Variants in DOCK10 observed in about 807,000 individuals in gnomAD.
DOCK10 encodes dedicator of cytokinesis protein 10.
In DOCK10, 145 loss-of-function variants were observed where a neutral mutation model predicts 280.1. The ratio of observed to expected loss-of-function variants is 0.52; its 90% CI spans 0.45 to 0.59. The LOEUF (loss-of-function observed/expected upper bound fraction) is 0.59, where lower values mean the gene tolerates loss of function less well. Ranked by LOEUF, DOCK10 falls within the 20% of genes least tolerant of loss-of-function variation. The pLI is 0.00. For missense variants in DOCK10, 2,368 were observed against 2,651.7 expected (o/e 0.89, Z 2.35); for synonymous variants, 915 against 942.2 (o/e 0.97, Z 0.53).
chr2:224,905,234 ATTTTTTTTT>A (rs201582173), intron 3 of DOCK10, among the ~76,000 whole-genome samples: 4 of 111,546 alleles, frequency 3.6e-5, no homozygotes, highest in African/African-American at 7.9e-5. Context: ...CTATGGAACT[ATTTTTTTTT>A]TTTTTTTTTT....
chr2:224,888,868 ATG>A (rs1013605922), intron 4 of DOCK10, among the ~76,000 whole-genome samples: 1 of 152,024 alleles, frequency 6.6e-6, no homozygotes, highest in Non-Finnish European at 1.5e-5. Flanking sequence ...GTGACTACAT[ATG>A]TGTGTATGTA....
intron 3 of DOCK10, among the ~76,000 whole-genome samples, chr2:224,900,749 G>A (rs773846939): frequency 6.6e-6 from 1 of 152,200 alleles, no homozygotes; most frequent in Non-Finnish European, 1.5e-5. Context: ...GCCTAGCATA[G>A]TGTAAGCCCT....
chr2:224,874,632 A>T, intron 9 of DOCK10, 34 bp downstream of exon 9: 1 of 1,568,746 alleles, frequency 6.4e-7, no homozygotes, highest in Non-Finnish European at 8.8e-7. Flanking sequence ...AATAATTCAA[A>T]TTGGTTTTGC....
chr2:224,865,855 TCA>T lies in DOCK10; in HGVS notation c.1258-770_1258-769del, dbSNP rs375471540. On this transcript the variant is annotated intron_variant, in intron 11 of 55. Transcript: ENST00000258390. Reference sequence around the variant, plus strand: ...CTGTTTCTCTCTCTCTCTCTCTCTCTCACACACACACACACACTCTCTCTCTC... The same window carrying T: ...CTGTTTCTCTCTCTCTCTCTCTCTCTCACACACACACACACTCTCTCTCTC... 2.3e-3 allele frequency among the ~76,000 whole-genome samples: 339 copies of T among 148,542 alleles called. 2 individuals are homozygous for T. The highest frequency in any genetic ancestry group is 7.7e-3 in the African/African-American group (306 of 39,944).
intron 30 of DOCK10, 148 bp from the exon 31 acceptor site, chr2:224,814,512 T>G (rs573730736): frequency 2.3e-6 from 1 of 444,040 alleles, no homozygotes; most frequent in African/African-American, 2.0e-5. Flanking sequence ...AAGGAGAATG[T>G]CTTAGGTTAT....
intron 31 of DOCK10, among the ~76,000 whole-genome samples, chr2:224,813,206 T>C (rs1190000488): frequency 6.6e-6 from 1 of 152,190 alleles, no homozygotes; most frequent in Non-Finnish European, 1.5e-5. Context: ...AAATTTTTAT[T>C]ATTTTTTGAG....
intron 3 of DOCK10, among the ~76,000 whole-genome samples, chr2:224,912,031 T>G (rs997018299): frequency 1.3e-5 from 2 of 152,210 alleles, no homozygotes; most frequent in African/African-American, 4.8e-5. Context: ...TGAAGTAGTC[T>G]TTTAGGTATT....
At chr2:224,909,720 TCA>T in intron 3 of DOCK10, among the ~76,000 whole-genome samples, 1 of 152,120 alleles carries the variant, frequency 6.6e-6, no homozygotes, top group Non-Finnish European at 1.5e-5. Context: ...AATACCTATT[TCA>T]CAGAGTTCTC....
chr2:224,889,398 C>T (rs1699527024), intron 4 of DOCK10, among the ~76,000 whole-genome samples: 1 of 152,042 alleles, frequency 6.6e-6, no homozygotes, highest in African/African-American at 2.4e-5. Context: ...GAACCATGTT[C>T]TCCATTCCTG....
At chr2:224,933,591 A>G (rs1274032782) in intron 1 of DOCK10, among the ~76,000 whole-genome samples, 2 of 152,190 alleles carry the variant, frequency 1.3e-5, no homozygotes, top group African/African-American at 2.4e-5. Context: ...ACGAAACAAA[A>G]TGTACAGTAA....
At position 224,886,513 on chromosome 2, in the gene DOCK10, C is replaced by T; in HGVS notation, c.435G>A (p.Glu145=). ...TCTCAAAGGAATGTGAAGGAAGCTT[C>T]TCTGGTTTGTATTCTGCTCTGATAT... is the stretch of plus-strand genomic sequence containing the variant. ...RQLPRAEYKP[E]KLPSHSFEID... The change falls in exon 5 of 56, where the codon GAG becomes GAA. Residue 145 remains glutamate (E), a synonymous_variant. Coordinates refer to ENST00000258390, the MANE Select transcript of DOCK10 (RefSeq NM_014689.3). The T allele has an allele frequency of 1.9e-6, 3 of 1,607,206 alleles. No homozygotes were observed. The highest frequency in any genetic ancestry group is 2.5e-6 in the Non-Finnish European group (3 of 1,178,530).
In DOCK10 at chr2:224,770,482, G is replaced by A. The variant is rs923123131; in HGVS notation, c.6305+63C>T. On this transcript the variant is annotated intron_variant, in intron 54 of 55. Transcript: ENST00000258390. This position sits in a 1 kb window ranked among gnomAD's most constrained non-coding sequence, Gnocchi z 4.5. ...GAGTTTTGGTGTGATGGATTCTTGG[G>A]GGATTGAGGACTCCCTGTCTCAGGA... The A allele has an allele frequency of 2.5e-6, 4 of 1,576,704 alleles. No individual in the cohort carries two copies. The African/African-American group carries it at 4.0e-5, about 16-fold the overall frequency.
intron 50 of DOCK10, among the ~76,000 whole-genome samples, chr2:224,783,224 T>A (rs570025305): frequency 6.6e-6 from 1 of 152,242 alleles, no homozygotes; most frequent in South Asian, 2.1e-4. Context: ...AGGCAGGTTC[T>A]CAGTCAGAGA....
At chr2:224,799,957 T>C (rs1400779812) in intron 41 of DOCK10, among the ~76,000 whole-genome samples, 194 bp downstream of exon 41, 1 of 152,164 alleles carries the variant, frequency 6.6e-6, no homozygotes, top group Non-Finnish European at 1.5e-5. Context: ...CGTGTACATA[T>C]CAAACAAACA....
chr2:224,795,095 CT>C lies in DOCK10; in HGVS notation c.4939-2del. The C allele has an allele frequency of 6.2e-7, 1 of 1,613,462 alleles. No homozygotes were observed. The highest frequency in any genetic ancestry group is 8.5e-7 in the Non-Finnish European group (1 of 1,179,540). ...TCACCTCTGCTGGGAAATTGCTGTTCTTTGGAAAAGAGAGAGCCTGGGTCAT... is the reference window on the plus strand; with the variant it reads ...TCACCTCTGCTGGGAAATTGCTGTTCTTGGAAAAGAGAGAGCCTGGGTCAT... On this transcript the variant is annotated splice_acceptor_variant, in intron 44 of 55. Transcript: ENST00000258390. LOFTEE classifies it high-confidence loss of function.
At chr2:224,882,126 C>G (rs1197669648) in intron 7 of DOCK10, among the ~76,000 whole-genome samples, 1 of 152,070 alleles carries the variant, frequency 6.6e-6, no homozygotes, top group South Asian at 2.1e-4. Context: ...GAGATAGGGA[C>G]CTAAAACAGA....
intron 1 of DOCK10, among the ~76,000 whole-genome samples, chr2:224,963,036 A>C (rs561514664): frequency 1.3e-5 from 2 of 152,294 alleles, no homozygotes; most frequent in East Asian, 3.9e-4. Context: ...AGATCTGACC[A>C]TACTGATCCC....
intron 3 of DOCK10, among the ~76,000 whole-genome samples, chr2:224,915,603 G>A (rs966642160): frequency 3.9e-5 from 6 of 152,138 alleles, no homozygotes; most frequent in East Asian, 3.9e-4. Flanking sequence ...GTTAAGAGCC[G>A]AGAAAAGATA....
intron 6 of DOCK10, 126 bp from the exon 7 acceptor site, chr2:224,885,931 C>A (rs539514732): frequency 6.7e-7 from 1 of 1,495,372 alleles, no homozygotes; most frequent in Non-Finnish European, 9.0e-7. Flanking sequence ...AGAAGAGCAT[C>A]CTACTTCCTC....
Sources: allele counts gnomAD v4.1 joint callset (sites outside exome capture counted in the v4.1 genomes callset), GRCh38; gene constraint gnomAD v4.1.1; non-coding constraint Gnocchi (gnomAD v3.1); transcripts MANE v1.5; gene names NCBI Gene and HGNC (gene_info 2026-07-23, HGNC 2026-07-21).